DNAH6: variants seen among roughly 807,000 people sequenced by gnomAD.
DNAH6 encodes the protein axonemal beta dynein heavy chain 6.
A neutral mutation model predicts 491.4 loss-of-function variants in DNAH6; 340 were observed. That is an observed-to-expected ratio of 0.69 (90% CI 0.63 to 0.76). DNAH6 has a LOEUF of 0.76. Among genes scored for constraint, DNAH6 ranks in the 30% least tolerant of loss-of-function variants. The pLI is 0.00. For missense variants in DNAH6, 4,443 were observed against 4,972.2 expected (o/e 0.89, Z 3.20); for synonymous variants, 1,603 against 1,686.1 (o/e 0.95, Z 1.21).
intron 62 of DNAH6, among the ~76,000 whole-genome samples, chr2:84,734,183 T>A (rs1573642027): frequency 6.6e-6 from 1 of 150,594 alleles, no homozygotes; most frequent in East Asian, 1.9e-4. Context: ...AGTCTTGTTC[T>A]GTCGCCCAGG....
At chr2:84,701,031 T>G in intron 48 of DNAH6, 66 bp from the exon 49 acceptor site, 1 of 1,501,968 alleles carries the variant, frequency 6.7e-7, no homozygotes, top group Non-Finnish European at 9.0e-7. Flanking sequence ...TATGTTTTTC[T>G]TGGTATTAAA....
At chr2:84,722,312 A>G (rs1315344830) in intron 59 of DNAH6, among the ~76,000 whole-genome samples, 1 of 152,052 alleles carries the variant, frequency 6.6e-6, no homozygotes, top group Non-Finnish European at 1.5e-5. Context: ...AGCAATTAGG[A>G]GTGCTGTGAT....
At chr2:84,522,424 GA>G (rs1340112589) in intron 2 of DNAH6, among the ~76,000 whole-genome samples, 3 of 152,096 alleles carry the variant, frequency 2.0e-5, no homozygotes, top group Admixed American at 2.0e-4. Flanking sequence ...TGCAAACAGG[GA>G]TAGTTTGACT....
the DNAH6 span, among the ~76,000 whole-genome samples, chr2:84,499,810 C>T: frequency 6.6e-6 from 1 of 152,008 alleles, no homozygotes; most frequent in African/African-American, 2.4e-5. Context: ...TTTTCATATG[C>T]CTGTTTGACA....
At chr2:84,720,374 G>C (rs999002770) in intron 59 of DNAH6, among the ~76,000 whole-genome samples, 6 of 138,002 alleles carry the variant, frequency 4.3e-5, no homozygotes, top group Admixed American at 7.8e-5. Context: ...CGCCTCCCGG[G>C]TTCACGCCAT....
intron 29 of DNAH6, among the ~76,000 whole-genome samples, chr2:84,633,696 C>A (rs201648320): frequency 1.4e-5 from 2 of 145,204 alleles, no homozygotes; most frequent in Non-Finnish European, 3.0e-5. Flanking sequence ...CATATTCCAG[C>A]TTTTTTTTTT....
At chr2:84,542,145 T>A (rs190904540) in intron 4 of DNAH6, among the ~76,000 whole-genome samples, 4 of 152,298 alleles carry the variant, frequency 2.6e-5, no homozygotes, top group African/African-American at 9.6e-5. Flanking sequence ...TACCATCTTC[T>A]AGAAGGGCCA....
chr2:84,669,561 T>G (rs971085759), intron 38 of DNAH6, 51 bp downstream of exon 38: 28 of 1,443,946 alleles, frequency 1.9e-5, no homozygotes, highest in Non-Finnish European at 2.6e-5. Context: ...GAGGGCATGA[T>G]GGACTTAGAA....
At chr2:84,668,240 A>G (rs1385096842) in intron 37 of DNAH6, among the ~76,000 whole-genome samples, 5 of 152,248 alleles carry the variant, frequency 3.3e-5, no homozygotes, top group Non-Finnish European at 7.3e-5. Flanking sequence ...AAAGTATAAT[A>G]ATAAAAAAAA....
At chr2:84,603,746 G>A (rs1685491334) in intron 18 of DNAH6, among the ~76,000 whole-genome samples, 1 of 152,128 alleles carries the variant, frequency 6.6e-6, no homozygotes, top group African/African-American at 2.4e-5. Context: ...TATCTTCAAT[G>A]AGTTATCACT....
intron 4 of DNAH6, among the ~76,000 whole-genome samples, chr2:84,533,762 A>G (rs1288060470): frequency 6.6e-6 from 1 of 152,188 alleles, no homozygotes; most frequent in Non-Finnish European, 1.5e-5. Context: ...GCAGCTTTAT[A>G]GCATAATGTA....
rs139090669 is a variant in DNAH6 at position 84,682,777 on chromosome 2, C to T, written c.6916+1249C>T. Among the ~76,000 whole-genome samples the T allele has an allele frequency of 3.4e-4, 52 of 152,242 alleles. No individual in the cohort carries two copies. The East Asian group carries it at 9.5e-3, about 28-fold the overall frequency. On this transcript the variant is annotated intron_variant, in intron 42 of 76. Transcript: ENST00000389394. The stretch of plus-strand genomic sequence containing the variant: ...CACTCCTCACCACTCCATCCACTAC[C>T]CTTCTAACCTCCTCTCTAATCTCCT...
the DNAH6 span, among the ~76,000 whole-genome samples, chr2:84,503,300 C>T: frequency 6.6e-6 from 1 of 152,106 alleles, no homozygotes; most frequent in African/African-American, 2.4e-5. Flanking sequence ...CTTCATCCCC[C>T]AAATTTTAAA....
At chr2:84,750,504 A>G (rs1038807610) in intron 63 of DNAH6, among the ~76,000 whole-genome samples, 7 of 152,080 alleles carry the variant, frequency 4.6e-5, no homozygotes, top group Non-Finnish European at 7.4e-5. Flanking sequence ...ATACTTTTTT[A>G]AAGAGACTTT....
chr2:84,808,428 G>A lies in DNAH6; in HGVS notation c.11625G>A (p.Met3875Ile). The part of the protein sequence containing the change: ...VQTRVPEKLE[M>I]EGASESLFVK... ...TGTATGTTTCAGAAAAACTGGAAAT[G>A]GAGGGTGCTTCTGAGAGCCTTTTTG... The change falls in exon 72 of 77, where the codon ATG becomes ATA. Residue 3875 changes from methionine to isoleucine, a missense_variant. Physicochemically the swap from Met to Ile is conservative, Grantham distance 10. Transcript: ENST00000389394. 2.6e-6 allele frequency: 4 copies of A among 1,537,256 alleles called. No homozygotes were observed. The highest frequency in any genetic ancestry group is 3.5e-6 in the Non-Finnish European group (4 of 1,142,014).
the DNAH6 span, among the ~76,000 whole-genome samples, chr2:84,496,971 CTTTTTTT>C: frequency 5.7e-5 from 7 of 122,034 alleles, no homozygotes; most frequent in Admixed American, 8.3e-5. Context: ...AATATGTACT[CTTTTTTT>C]TTTTTTTTTT....
chr2:84,686,500 T>G lies in DNAH6; in HGVS notation c.7080T>G (p.Ile2360Met), dbSNP rs1694270926. The part of the protein sequence containing the change: ...LTEMANKHFG[I>M]AIDLEYFLNK... ...TTTAAATAGACAAACATTTTGGAAT[T>G]GCAATTGACCTGGAATATTTTTTGA... The change falls in exon 44 of 77, where the codon ATT (isoleucine) becomes ATG (methionine). Residue 2360 changes from isoleucine (I) to methionine (M), a missense_variant. Transcript: ENST00000389394. The G allele has an allele frequency of 3.9e-6, 6 of 1,534,096 alleles. No individual in the cohort carries two copies. Among genetic ancestry groups the G allele is most frequent in the Non-Finnish European group, 5.3e-6 (6 of 1,133,874 alleles).
chr2:84,512,055 G>T (rs917947058), upstream of DNAH6, among the ~76,000 whole-genome samples: 1 of 152,174 alleles, frequency 6.6e-6, no homozygotes, highest in African/African-American at 2.4e-5. Flanking sequence ...CCCTTGAAAA[G>T]AAAGTGTTTT....
At chr2:84,721,215 TTGTTAG>T (rs1698121297) in intron 59 of DNAH6, among the ~76,000 whole-genome samples, 1 of 152,246 alleles carries the variant, frequency 6.6e-6, no homozygotes, top group South Asian at 2.1e-4. Flanking sequence ...AAAGAATTAT[TTGTTAG>T]TGGGCCTACA....
Sources: gnomAD v4.1 joint callset for allele counts (sites outside exome capture counted in the v4.1 genomes callset) on GRCh38, gnomAD v4.1.1 for gene constraint, MANE v1.5 for transcripts, NCBI Gene and HGNC (gene_info 2026-07-23, HGNC 2026-07-21) for gene names.